PARP9: variants seen among roughly 807,000 people sequenced by gnomAD.
PARP9 encodes the protein poly(ADP-ribose) polymerase family member 9.
In PARP9, 48 loss-of-function variants were observed where a neutral mutation model predicts 68.8. That is an observed-to-expected ratio of 0.70 (90% CI 0.55 to 0.89). The LOEUF (loss-of-function observed/expected upper bound fraction) is 0.89, where lower values mean the gene tolerates loss of function less well. PARP9 is among the 40% of genes least tolerant of loss of function. The pLI, the probability that PARP9 is intolerant of heterozygous loss-of-function variation, is 0.00. For synonymous variants in PARP9, 309 were observed against 333.8 expected (o/e 0.93, Z 0.81); for missense variants, 806 against 969.3 (o/e 0.83, Z 2.24).
chr3:122,535,624 A>G, intron 10 of PARP9: 2 of 985,604 alleles, frequency 2.0e-6, no homozygotes, highest in Non-Finnish European at 2.4e-6. Flanking sequence ...GAAAAGAGAC[A>G]TGGGAGTTAC....
chr3:122,555,146 G>A lies in PARP9; in HGVS notation c.885+140C>T, dbSNP rs1308539277. 5.7e-6 allele frequency: 5 copies of A among 879,684 alleles called. No homozygotes were observed. The South Asian group carries it at 7.5e-5, about 13-fold the overall frequency. 54.5% of individuals were successfully genotyped at this position (879,684 alleles called of 1,614,324 possible). On this transcript the variant is annotated intron_variant, in intron 4 of 10. Coordinates refer to ENST00000682323, the MANE Select transcript of PARP9 (RefSeq NM_001146105.2). The stretch of plus-strand genomic sequence containing the variant: ...AGGCTCTCAAGTAGCTGGGTTACAG[G>A]CATGTACCACTGCATCTGGCTCATA...
intron 10 of PARP9, chr3:122,532,854 T>G (rs2077401408): frequency 6.6e-6 from 1 of 152,148 alleles, no homozygotes; most frequent in African/African-American, 2.4e-5. Flanking sequence ...AACAGCATGT[T>G]TAGGGAACTC....
At chr3:122,539,527 C>CTTTCT (rs2077971582) in intron 8 of PARP9, among the ~76,000 whole-genome samples, 1 of 32,140 alleles carries the variant, frequency 3.1e-5, no homozygotes, top group African/African-American at 9.5e-5. Flanking sequence ...TTCTTTCTTT[C>CTTTCT]TTTCTTTCTT....
intron 5 of PARP9, 63 bp from the exon 6 acceptor site, chr3:122,550,865 T>C: frequency 7.1e-7 from 1 of 1,403,936 alleles, no homozygotes; most frequent in Non-Finnish European, 1.0e-6. Flanking sequence ...ACTTACCCCT[T>C]GATCCTGCCC....
At chr3:122,554,012 C>A (rs2079430714) in intron 4 of PARP9, among the ~76,000 whole-genome samples, 1 of 152,202 alleles carries the variant, frequency 6.6e-6, no homozygotes, top group South Asian at 2.1e-4. Flanking sequence ...CTGCCAGCAT[C>A]CTCACCTTTG....
Position 122,555,323 on chromosome 3 carries a change from G to C in PARP9, c.848C>G (p.Thr283Ser). ...AATGTGGCCCTGGACAATCTGGAGG[G>C]TCAGGTTGTTCACGACCATTGCATT... is the stretch of plus-strand genomic sequence containing the variant. ...SFNAMVVNNLTLQIVQGHIEW... is the reference protein window; with the variant it reads ...SFNAMVVNNLSLQIVQGHIEW... The change falls in exon 4 of 11, where the codon ACC becomes AGC. Residue 283 changes from threonine to serine, a missense_variant. Thr to Ser is a moderately conservative substitution (Grantham distance 58). Coordinates refer to ENST00000682323, the MANE Select transcript of PARP9 (RefSeq NM_001146105.2). The C allele has an allele frequency of 6.2e-7, 1 of 1,613,880 alleles. No homozygotes were observed. The highest frequency in any genetic ancestry group is 8.5e-7 in the Non-Finnish European group (1 of 1,179,848).
intron 3 of PARP9, 73 bp downstream of exon 3, chr3:122,558,361 T>C (rs1045707284): frequency 3.1e-6 from 5 of 1,614,156 alleles, no homozygotes; most frequent in African/African-American, 2.7e-5. Context: ...TTCTTCTGTA[T>C]TCCCCTTTCT....
Position 122,541,584 on chromosome 3 carries a change from C to T in PARP9, c.1385-732G>A, listed in dbSNP as rs557295836. ...TCAAAATTATTTTTTAAAAAACAAA[C>T]ATGAATCTCTGATTTTAAGAATAAT... On this transcript the variant is annotated intron_variant, in intron 7 of 10. Coordinates refer to ENST00000682323, the MANE Select transcript of PARP9 (RefSeq NM_001146105.2). Among the ~76,000 whole-genome samples, 4 of 152,246 alleles carry T rather than the reference C, an allele frequency of 2.6e-5. No individual in the cohort carries two copies. In the South Asian group the frequency reaches 8.3e-4, roughly 32 times the overall value.
intron 7 of PARP9, among the ~76,000 whole-genome samples, chr3:122,543,350 T>G (rs2078418929): frequency 6.6e-6 from 1 of 151,748 alleles, no homozygotes; most frequent in Non-Finnish European, 1.5e-5. Context: ...CAATCTTGGC[T>G]CACTGCAATC....
At position 122,556,141 on chromosome 3, in the gene PARP9, TAAAAAAAAAAAA is replaced by T. The variant is rs745677021; in HGVS notation, c.50-32_50-21del. 0.12 allele frequency: 24,404 copies of T among 208,856 alleles called. 414 individuals are homozygous for T. Among genetic ancestry groups the T allele is most frequent in the Middle Eastern group, 0.19 (149 of 800 alleles). The allele number at this position is 208,856 out of a possible 1,614,324, so 12.9% of individuals were successfully genotyped here. A position where few individuals can be genotyped will look rare whatever the true frequency, so the allele number is the denominator to read the frequency against. ...CAGTCTCTGGAAAAGAAGAGAAGAT[TAAAAAAAAAAAA>T]AAAAAAAAAAAAAAAAAAAAGCACA... is the stretch of plus-strand genomic sequence containing the variant. On this transcript the variant is annotated intron_variant, in intron 3 of 10. Coordinates refer to ENST00000682323, the MANE Select transcript of PARP9 (RefSeq NM_001146105.2).
At chr3:122,529,191 T>C (rs1237855498) in intron 10 of PARP9, among the ~76,000 whole-genome samples, 2 of 127,150 alleles carry the variant, frequency 1.6e-5, no homozygotes, top group African/African-American at 6.3e-5. Flanking sequence ...TGAGCCAAGA[T>C]CGCACCACTG....
Position 122,559,692 on chromosome 3 carries a change from A to C in PARP9, c.-72T>G. 6.9e-7 allele frequency: 1 copy of C among 1,450,898 alleles called. No homozygotes were observed. The highest frequency in any genetic ancestry group is 1.4e-5 in the African/African-American group (1 of 70,408). The allele number at this position is 1,450,898 out of a possible 1,614,324, so 89.9% of individuals were successfully genotyped here. On this transcript the variant is annotated 5_prime_UTR_variant, in exon 2 of 11. Coordinates refer to ENST00000682323, the MANE Select transcript of PARP9 (RefSeq NM_001146105.2). Reference sequence around the variant, plus strand: ...CTTCAAAGCATAGACTGTAGTTTCCAGATATGGTGGCCCACTTCTAGGAAT... The same window carrying C: ...CTTCAAAGCATAGACTGTAGTTTCCCGATATGGTGGCCCACTTCTAGGAAT...
chr3:122,552,688 A>G (rs1458821271), intron 4 of PARP9, 49 bp from the exon 5 acceptor site: 2 of 1,374,722 alleles, frequency 1.5e-6, no homozygotes, highest in African/African-American at 2.9e-5. Flanking sequence ...CCTTCTTCTT[A>G]AATGACTAAT....
intron 10 of PARP9, chr3:122,532,373 A>G: frequency 1.0e-6 from 1 of 985,324 alleles, no homozygotes; most frequent in Non-Finnish European, 1.2e-6. Context: ...AATGGGAGCC[A>G]TAAGCCAGAC....
chr3:122,564,659 C>A, upstream of PARP9: 3 of 1,549,464 alleles, frequency 1.9e-6, no homozygotes, highest in Non-Finnish European at 2.6e-6. Context: ...GGGGGCCCGG[C>A]CCCCGGGTTT....
At chr3:122,550,552 A>C in intron 6 of PARP9, 32 bp downstream of exon 6, 1 of 1,503,690 alleles carries the variant, frequency 6.7e-7, no homozygotes, top group Non-Finnish European at 9.2e-7. Flanking sequence ...TGAATGAATG[A>C]ACAGTAGGAC....
intron 4 of PARP9, among the ~76,000 whole-genome samples, chr3:122,553,401 C>T (rs1020055175): frequency 2.6e-5 from 4 of 152,152 alleles, no homozygotes; most frequent in African/African-American, 9.7e-5. Context: ...TTCAGGGTAA[C>T]TCAGGTATTT....
intron 5 of PARP9, among the ~76,000 whole-genome samples, chr3:122,552,107 T>TG (rs1049342399): frequency 6.6e-6 from 1 of 151,434 alleles, no homozygotes; most frequent in African/African-American, 2.4e-5. Context: ...TTGGTAGAGA[T>TG]GGGGGTCTTG....
intron 8 of PARP9, among the ~76,000 whole-genome samples, chr3:122,537,654 T>C (rs1424873653): frequency 2.0e-5 from 3 of 152,236 alleles, no homozygotes; most frequent in African/African-American, 7.2e-5. Flanking sequence ...ACCAATGCTT[T>C]TTGTAAGTGA....
Sources: gnomAD v4.1 joint callset for allele counts (sites outside exome capture counted in the v4.1 genomes callset) on GRCh38, gnomAD v4.1.1 for gene constraint, MANE v1.5 for transcripts, NCBI Gene and HGNC (gene_info 2026-07-23, HGNC 2026-07-21) for gene names.